The following ERI1 variants were observed in gnomAD, a reference collection of about 807,000 sequenced individuals.
ERI1 encodes 3'-5' exoribonuclease 1.
Under a neutral mutation model 39.7 loss-of-function variants are expected in ERI1, and 39 were observed. The observed-to-expected ratio is 0.98, with a 90% CI of 0.76 to 1.28. ERI1 has a LOEUF of 1.28. Ranked by LOEUF, ERI1 falls within the 50% of genes most tolerant of loss-of-function variation. The pLI, the probability that ERI1 is intolerant of heterozygous loss-of-function variation, is 0.00. For synonymous variants in ERI1, 204 were observed against 149.6 expected (o/e 1.36, Z -2.65); for missense variants, 581 against 416.9 (o/e 1.39, Z -3.43).
chr8:9,042,391 C>A (rs1028685617), intron 3 of ERI1, among the ~76,000 whole-genome samples: 32 of 152,242 alleles, frequency 2.1e-4, no homozygotes, highest in African/African-American at 7.2e-4. Flanking sequence ...TAGGTGTCAC[C>A]AGCGTTTTAA....
Position 9,032,066 on chromosome 8 carries a change from A to G in ERI1, c.*2032A>G, listed in dbSNP as rs963382780. 1.3e-5 allele frequency: 2 copies of G among 152,116 alleles called. No individual in the cohort carries two copies. The highest frequency in any genetic ancestry group is 2.4e-5 in the African/African-American group (1 of 41,400). 9.4% of individuals were successfully genotyped at this position (152,116 alleles called of 1,614,324 possible). On this transcript the variant is annotated 3_prime_UTR_variant, in exon 7 of 7. Coordinates refer to ENST00000250263, the MANE Select transcript of ERI1 (RefSeq NM_153332.4). ...GCCATAGATTTTACTGTCTTAACCC[A>G]TTTTAATTCCTCTGTTGAGTCTCTG...
At chr8:9,044,710 T>C (rs778535153) in intron 3 of ERI1, among the ~76,000 whole-genome samples, 1 of 151,948 alleles carries the variant, frequency 6.6e-6, no homozygotes, top group Non-Finnish European at 1.5e-5. Flanking sequence ...AGACACAGCA[T>C]GTTGAAGAAA....
At chr8:9,050,454 C>T (rs1300639275) in intron 3 of ERI1, among the ~76,000 whole-genome samples, 3 of 150,418 alleles carry the variant, frequency 2.0e-5, no homozygotes, top group African/African-American at 7.4e-5. Flanking sequence ...TTGCAGTGAG[C>T]TGAGACGGTG....
intron 3 of ERI1, among the ~76,000 whole-genome samples, chr8:9,073,707 T>C (rs1421627553): frequency 1.3e-5 from 2 of 152,186 alleles, no homozygotes; most frequent in African/African-American, 2.4e-5. Flanking sequence ...ATAATTATAT[T>C]CTTCTGATAT....
At chr8:9,056,423 T>A (rs1358290760) in intron 3 of ERI1, among the ~76,000 whole-genome samples, 2 of 152,246 alleles carry the variant, frequency 1.3e-5, no homozygotes. Flanking sequence ...ATCGAGTTGA[T>A]GAGCCGTGTA....
chr8:9,053,170 C>A (rs1276935438), intron 3 of ERI1, among the ~76,000 whole-genome samples: 1 of 152,168 alleles, frequency 6.6e-6, no homozygotes, highest in African/African-American at 2.4e-5. Context: ...GCATGCACTA[C>A]CACACCTGGC....
At chr8:9,006,913 T>A (rs1816079155) in intron 1 of ERI1, among the ~76,000 whole-genome samples, 1 of 152,206 alleles carries the variant, frequency 6.6e-6, no homozygotes. Flanking sequence ...AGTTAGGGAC[T>A]GTGGCCTCTC....
intron 6 of ERI1, among the ~76,000 whole-genome samples, chr8:9,026,174 A>T (rs1485413236): frequency 6.6e-6 from 1 of 152,192 alleles, no homozygotes; most frequent in Non-Finnish European, 1.5e-5. Context: ...GGCCCTCAAA[A>T]AGTTTCGGAT....
At chr8:9,082,424 A>G (rs1413653743) in intron 3 of ERI1, among the ~76,000 whole-genome samples, 1 of 152,214 alleles carries the variant, frequency 6.6e-6, no homozygotes, top group African/African-American at 2.4e-5. Flanking sequence ...TCTGGTGTTA[A>G]TATTCTGAAA....
chr8:9,013,846 C>T (rs145753696), intron 3 of ERI1, among the ~76,000 whole-genome samples: 8 of 152,238 alleles, frequency 5.3e-5, no homozygotes, highest in Non-Finnish European at 8.8e-5. Flanking sequence ...TCAATGATTC[C>T]TGTTTGGCTC....
At chr8:9,056,980 G>A (rs1379308341) in intron 3 of ERI1, among the ~76,000 whole-genome samples, 3 of 151,818 alleles carry the variant, frequency 2.0e-5, no homozygotes, top group South Asian at 2.1e-4. Context: ...ACTACAGGCA[G>A]CACCACCATA....
At chr8:9,009,232 A>C (rs111531782) in intron 2 of ERI1, 2 of 346,468 alleles carry the variant, frequency 5.8e-6, no homozygotes, top group Admixed American at 7.9e-5. Context: ...TATGTTCCCC[A>C]CTTTGGCAAT....
chr8:9,078,608 G>T lies in ERI1; in HGVS notation n.300-37740G>T, dbSNP rs1284705049. ...TGAAGTGCTACCCAGATCAAAAGAG[G>T]GTTTTATCCATTAGACTGCAGCCTT... On this transcript the variant is annotated intron_variant and non_coding_transcript_variant, in intron 3 of 3. Coordinates refer to the ERI1 transcript ENST00000518663. Among the ~76,000 whole-genome samples, 4 of 152,158 alleles carry T rather than the reference G, an allele frequency of 2.6e-5. No individual in the cohort carries two copies. In the South Asian group the frequency reaches 6.2e-4, roughly 24 times the overall value.
intron 3 of ERI1, among the ~76,000 whole-genome samples, chr8:9,039,283 T>C (rs1042746485): frequency 6.6e-6 from 1 of 152,204 alleles, no homozygotes; most frequent in African/African-American, 2.4e-5. Context: ...ATATTTTTAT[T>C]ATATGTTTCG....
chr8:9,067,785 C>G (rs909357701), intron 3 of ERI1, among the ~76,000 whole-genome samples: 2 of 151,996 alleles, frequency 1.3e-5, no homozygotes, highest in Admixed American at 1.3e-4. Context: ...CAAGATTACA[C>G]AGCTAGTCTG....
intron 4 of ERI1, among the ~76,000 whole-genome samples, chr8:9,016,842 A>G (rs10091588): frequency 0.3 from 45,335 of 151,176 alleles, 7,279 homozygotes; most frequent in African/African-American, 0.38. Context: ...CGTTGCCACC[A>G]CACCCGGCTA....
chr8:9,042,610 G>T (rs1442171432), intron 3 of ERI1, among the ~76,000 whole-genome samples: 1 of 152,120 alleles, frequency 6.6e-6, no homozygotes, highest in Non-Finnish European at 1.5e-5. Flanking sequence ...CCTGGAGGAA[G>T]CCTAGATGCG....
At chr8:9,052,077 T>C (rs747461346) in intron 3 of ERI1, among the ~76,000 whole-genome samples, 21 of 152,234 alleles carry the variant, frequency 1.4e-4, no homozygotes, top group Non-Finnish European at 1.0e-4. Context: ...TAAAATAGTG[T>C]TTAGTGAATA....
At chr8:9,060,558 C>T (rs13258661) in intron 3 of ERI1, among the ~76,000 whole-genome samples, 21,387 of 151,466 alleles carry the variant, frequency 0.14, 1,652 homozygotes, top group African/African-American at 0.18. Flanking sequence ...TTCTAAGAGA[C>T]GGGCTAGCGG....
Sources: allele counts gnomAD v4.1 joint callset (sites outside exome capture counted in the v4.1 genomes callset), GRCh38; gene constraint gnomAD v4.1.1; transcripts MANE v1.5; gene names NCBI Gene and HGNC (gene_info 2026-07-23, HGNC 2026-07-21).